RNF130: variants seen among roughly 807,000 people sequenced by gnomAD.
The protein encoded by RNF130 is E3 ubiquitin-protein ligase RNF130.
In RNF130, 21 loss-of-function variants were observed where a neutral mutation model predicts 44.6. That is an observed-to-expected ratio of 0.47 (90% CI 0.33 to 0.68). The LOEUF (loss-of-function observed/expected upper bound fraction) is 0.68. Ranked by LOEUF, RNF130 falls within the 30% of genes least tolerant of loss-of-function variation. The pLI is 0.02. For missense variants in RNF130, 479 were observed against 560.6 expected, an observed-to-expected ratio of 0.85 and a Z score of 1.47; for synonymous variants, 214 against 210.4, an observed-to-expected ratio of 1.02 and a Z score of -0.15.
At chr5:180,020,473 G>A (rs1481317089) in intron 2 of RNF130, among the ~76,000 whole-genome samples, 1 of 152,172 alleles carries the variant, frequency 6.6e-6, no homozygotes, top group Non-Finnish European at 1.5e-5. Flanking sequence ...TTTTGCAAAT[G>A]CTTGAACCTG....
chr5:179,966,282 A>G (rs545243699), intron 7 of RNF130, among the ~76,000 whole-genome samples: 120 of 152,098 alleles, frequency 7.9e-4, no homozygotes, highest in African/African-American at 2.7e-3. Flanking sequence ...ATGTACAACT[A>G]CACCAAAGAG....
chr5:180,003,049 G>A (rs1369411284), intron 3 of RNF130, among the ~76,000 whole-genome samples: 1 of 152,048 alleles, frequency 6.6e-6, no homozygotes, highest in Non-Finnish European at 1.5e-5. Flanking sequence ...TTGAGGCTTG[G>A]AGAATTAAAA....
At chr5:179,969,125 T>A (rs899618007) in intron 6 of RNF130, among the ~76,000 whole-genome samples, 4 of 152,230 alleles carry the variant, frequency 2.6e-5, no homozygotes, top group Non-Finnish European at 5.9e-5. Context: ...GAGATCATTC[T>A]TTCATTCTTT....
At chr5:179,928,743 C>T (rs1761746008) in intron 7 of RNF130, among the ~76,000 whole-genome samples, 1 of 152,014 alleles carries the variant, frequency 6.6e-6, no homozygotes. Context: ...ATTCTCCTGC[C>T]TCAGCCTCCC....
At chr5:179,970,654 T>G (rs1327549015) in intron 5 of RNF130, 148 bp from the exon 6 acceptor site, 1 of 637,834 alleles carries the variant, frequency 1.6e-6, no homozygotes. Context: ...TGGGAATTTA[T>G]TAAAATATAA....
chr5:179,929,089 G>A (rs1761769225), intron 7 of RNF130, among the ~76,000 whole-genome samples: 1 of 152,144 alleles, frequency 6.6e-6, no homozygotes, highest in Admixed American at 6.5e-5. Context: ...GAAGCTTCAT[G>A]GTTTTACCTT....
At chr5:180,055,946 TGGTGGTGGGC>T (rs1440182960) in intron 1 of RNF130, among the ~76,000 whole-genome samples, 8 of 151,990 alleles carry the variant, frequency 5.3e-5, no homozygotes, top group African/African-American at 1.9e-4. Context: ...TAGCCAGGCA[TGGTGGTGGGC>T]ACCTTTAATC....
intron 7 of RNF130, among the ~76,000 whole-genome samples, chr5:179,932,927 A>G (rs1337179209): frequency 1.3e-5 from 2 of 152,208 alleles, no homozygotes; most frequent in Non-Finnish European, 2.9e-5. Flanking sequence ...TTTGGTATCA[A>G]ATCAAATTAA....
At chr5:179,946,002 A>G (rs1762032332) in intron 7 of RNF130, among the ~76,000 whole-genome samples, 2 of 152,348 alleles carry the variant, frequency 1.3e-5, no homozygotes, top group South Asian at 4.1e-4. Context: ...TGACAGAAGC[A>G]TATGACTGAC....
chr5:180,057,297 C>A (rs902052707), intron 1 of RNF130, among the ~76,000 whole-genome samples: 9 of 152,222 alleles, frequency 5.9e-5, no homozygotes, highest in Non-Finnish European at 8.8e-5. Flanking sequence ...GCCTGTAATC[C>A]CAGCACTTTG....
intron 3 of RNF130, among the ~76,000 whole-genome samples, chr5:179,993,783 G>A (rs1402583591): frequency 1.3e-5 from 2 of 152,152 alleles, no homozygotes; most frequent in East Asian, 3.9e-4. Context: ...TGGTGTTTTA[G>A]ACATGAAGTC....
chr5:179,958,586 A>G (rs551846424), intron 8 of RNF130, among the ~76,000 whole-genome samples: 47 of 152,326 alleles, frequency 3.1e-4, no homozygotes, highest in African/African-American at 1.1e-3. Flanking sequence ...GAACAGGTCT[A>G]TCCTGTAGCT....
At chr5:179,922,655 A>G (rs559019169) in intron 7 of RNF130, among the ~76,000 whole-genome samples, 4 of 151,424 alleles carry the variant, frequency 2.6e-5, no homozygotes, top group Non-Finnish European at 5.9e-5. Context: ...AAAAAATTCT[A>G]GGCCGGGCAC....
At chr5:180,067,472 G>GT (rs1324784292) in intron 1 of RNF130, among the ~76,000 whole-genome samples, 2 of 152,182 alleles carry the variant, frequency 1.3e-5, no homozygotes, top group African/African-American at 4.8e-5. Context: ...GAGGTTCGCT[G>GT]TAAGAGAGAA....
chr5:180,031,622 G>C (rs1308873289), intron 2 of RNF130, among the ~76,000 whole-genome samples: 3 of 152,170 alleles, frequency 2.0e-5, no homozygotes, highest in Non-Finnish European at 4.4e-5. Flanking sequence ...CAATTTTATG[G>C]ACATATAACT....
chr5:180,023,759 T>C (rs1194477555), intron 2 of RNF130, among the ~76,000 whole-genome samples: 2 of 152,198 alleles, frequency 1.3e-5, no homozygotes, highest in Non-Finnish European at 2.9e-5. Flanking sequence ...AAATCACCCA[T>C]GCAGAAAAAT....
At chr5:179,968,369 A>T (rs1479367310) in intron 6 of RNF130, among the ~76,000 whole-genome samples, 6 of 149,196 alleles carry the variant, frequency 4.0e-5, no homozygotes, top group African/African-American at 1.2e-4. Context: ...CTGTTTTTCA[A>T]GTTTCTACAC....
At chr5:179,987,668 T>C (rs1252358723) in intron 3 of RNF130, among the ~76,000 whole-genome samples, 21 of 152,244 alleles carry the variant, frequency 1.4e-4, no homozygotes, top group Admixed American at 1.4e-3. Context: ...CTTCTATACC[T>C]AATTTGCAAA....
Position 179,998,859 on chromosome 5 carries a change from T to TATATATATATATATATATATA in RNF130, c.693+14201_693+14202insTATATATATATATATATATAT, listed in dbSNP as rs1554103680. Among the ~76,000 whole-genome samples the TATATATATATATATATATATA allele has an allele frequency of 2.6e-3, 234 of 88,484 alleles. 2 individuals are homozygous for TATATATATATATATATATATA. The highest frequency in any genetic ancestry group is 5.8e-3 in the African/African-American group (137 of 23,512). The allele number at this position is 88,484 out of a possible 152,430, so 58.0% of individuals were successfully genotyped here. On this transcript the variant is annotated intron_variant, in intron 3 of 8. Coordinates refer to ENST00000521389, the MANE Select transcript of RNF130 (RefSeq NM_018434.6). ...TCTCTCTCTTTAGATCTAGTATTTT[T>TATATATATATATATATATATA]TATATATATATATATATATATATAT...
Sources: allele counts gnomAD v4.1 joint callset (sites outside exome capture counted in the v4.1 genomes callset), GRCh38; gene constraint gnomAD v4.1.1; transcripts MANE v1.5; gene names NCBI Gene and HGNC (gene_info 2026-07-23, HGNC 2026-07-21).